ESR1: variants seen among roughly 807,000 people sequenced by gnomAD.
ESR1 encodes estrogen receptor.
A neutral mutation model predicts 52.7 loss-of-function variants in ESR1; 12 were observed. The ratio of observed to expected loss-of-function variants is 0.23; its 90% confidence interval spans 0.15 to 0.37. ESR1 has a LOEUF of 0.37. Ranked by LOEUF, ESR1 falls within the 10% of genes least tolerant of loss-of-function variation. The pLI is 1.00. For synonymous variants in ESR1, 305 were observed against 316.8 expected, an observed-to-expected ratio of 0.96 and a Z score of 0.39; for missense variants, 584 against 779.7, an observed-to-expected ratio of 0.75 and a Z score of 2.99.
At chr6:152,050,760 A>G in intron 5 of ESR1, among the ~76,000 whole-genome samples, 1 of 152,328 alleles carries the variant, frequency 6.6e-6, no homozygotes, top group East Asian at 1.9e-4. Flanking sequence ...ATTTGTTCAG[A>G]ATCGTCTGCA....
At chr6:151,844,730 T>A (rs1299714015) in intron 2 of ESR1, among the ~76,000 whole-genome samples, 2 of 152,252 alleles carry the variant, frequency 1.3e-5, no homozygotes, top group East Asian at 3.8e-4. Context: ...AATAGGGGAT[T>A]TTTAAATCTA....
upstream of ESR1, among the ~76,000 whole-genome samples, chr6:151,688,606 A>C (rs1384713854): frequency 6.6e-6 from 1 of 152,146 alleles, no homozygotes; most frequent in African/African-American, 2.4e-5. Context: ...ATATCTAGGA[A>C]AATAGCTGCA....
intron 1 of ESR1, among the ~76,000 whole-genome samples, chr6:151,835,824 C>T (rs1783239244): frequency 6.6e-6 from 1 of 151,792 alleles, no homozygotes; most frequent in East Asian, 1.9e-4. Flanking sequence ...ACTTGAGTTT[C>T]CCGGTTTATC....
Position 151,991,025 on chromosome 6 carries a change from C to T in ESR1, c.1097-20631C>T, listed in dbSNP as rs539657579. ...ACCAGGAGAAAGTCTAGGAACCATA[C>T]CTTCTAAATCCAGGTCTACACTTCT... On this transcript the variant is annotated intron_variant, in intron 4 of 7. Coordinates refer to ENST00000206249, the MANE Select transcript of ESR1 (RefSeq NM_000125.4). Among the ~76,000 whole-genome samples, 10 of 152,258 alleles carry T rather than the reference C, an allele frequency of 6.6e-5. No homozygotes were observed. In the South Asian group the frequency reaches 1.5e-3, roughly 22 times the overall value.
intron 5 of ESR1, among the ~76,000 whole-genome samples, chr6:152,036,470 C>T (rs1467171348): frequency 1.3e-5 from 2 of 152,166 alleles, no homozygotes; most frequent in African/African-American, 4.8e-5. Context: ...TATTATCAAA[C>T]TTCTTTTGTA....
At chr6:152,046,888 A>G (rs901353622) in intron 5 of ESR1, among the ~76,000 whole-genome samples, 3 of 152,208 alleles carry the variant, frequency 2.0e-5, no homozygotes, top group Non-Finnish European at 4.4e-5. Context: ...CTACTTTGTC[A>G]TTGCAAGTTT....
At chr6:152,038,559 A>G (rs1273934242) in intron 5 of ESR1, among the ~76,000 whole-genome samples, 1 of 152,222 alleles carries the variant, frequency 6.6e-6, no homozygotes, top group Non-Finnish European at 1.5e-5. Context: ...ATACAACCAG[A>G]AATGCACCAA....
At chr6:152,129,570 C>G (rs2054765766) in exon 7 of ESR1, 1 of 145,598 alleles carries the variant, frequency 6.9e-6, no homozygotes. Context: ...AAAAAAAAAA[C>G]TCATAAAATT....
At chr6:151,907,462 C>A (rs1309717981) in intron 3 of ESR1, among the ~76,000 whole-genome samples, 1 of 151,894 alleles carries the variant, frequency 6.6e-6, no homozygotes, top group South Asian at 2.1e-4. Context: ...ATTTTAAAGA[C>A]ATATCTTTTT....
At position 152,100,331 on chromosome 6, in the gene ESR1, G is replaced by T; in HGVS notation, c.*1365G>T. ...CACTACTCAGGCTGACTGGGGCCTG[G>T]TCAGATTACGTATGCCCTTGGTGGT... On this transcript the variant is annotated 3_prime_UTR_variant, in exon 8 of 8. Transcript: ENST00000206249. 2 of 378,322 alleles carry T rather than the reference G, an allele frequency of 5.3e-6. No homozygotes were observed. The highest frequency in any genetic ancestry group is 9.4e-6 in the Non-Finnish European group (2 of 213,354). 23.4% of individuals were successfully genotyped at this position (378,322 alleles called of 1,614,324 possible). A position where few individuals can be genotyped will look rare whatever the true frequency, so the allele number is the denominator to read the frequency against.
At chr6:151,744,067 C>A (rs889618258) in intron 2 of ESR1, among the ~76,000 whole-genome samples, 4 of 152,154 alleles carry the variant, frequency 2.6e-5, no homozygotes, top group African/African-American at 9.7e-5. Context: ...ATCTATATTG[C>A]AGCATGTGTC....
intron 6 of ESR1, among the ~76,000 whole-genome samples, chr6:152,113,979 G>T (rs1171323299): frequency 6.6e-6 from 1 of 152,168 alleles, no homozygotes; most frequent in Admixed American, 6.5e-5. Context: ...GCCTCTGTAA[G>T]ATTTGGACAA....
intron 2 of ESR1, among the ~76,000 whole-genome samples, chr6:151,734,847 C>G (rs1308494040): frequency 6.6e-6 from 1 of 151,992 alleles, no homozygotes; most frequent in Non-Finnish European, 1.5e-5. Context: ...GTCTGGAACT[C>G]CTGACCTCAA....
intron 4 of ESR1, among the ~76,000 whole-genome samples, chr6:151,994,972 A>G (rs1013563269): frequency 2.0e-5 from 3 of 152,172 alleles, no homozygotes; most frequent in Non-Finnish European, 4.4e-5. Context: ...TCCCAGATAC[A>G]AAGGGGAAAC....
intron 6 of ESR1, among the ~76,000 whole-genome samples, chr6:152,062,137 G>A (rs1010990564): frequency 2.6e-5 from 4 of 152,122 alleles, no homozygotes; most frequent in African/African-American, 7.2e-5. Flanking sequence ...TAGAGAATCC[G>A]CACTTCCTTC....
At chr6:151,883,297 T>G (rs886637458) in intron 3 of ESR1, among the ~76,000 whole-genome samples, 50 of 150,862 alleles carry the variant, frequency 3.3e-4, no homozygotes, top group African/African-American at 1.1e-3. Flanking sequence ...TTTTTGTGTT[T>G]TTTTTTTTTG....
upstream of ESR1, among the ~76,000 whole-genome samples, chr6:151,686,489 T>A (rs1778682513): frequency 6.6e-6 from 1 of 152,014 alleles, no homozygotes; most frequent in South Asian, 2.1e-4. Context: ...ATCGAGACCA[T>A]CCCGGCTAAC....
In ESR1 at chr6:152,070,277, A is replaced by C. The variant is rs1296459035; in HGVS notation, c.1369+9153A>C. On this transcript the variant is annotated intron_variant, in intron 6 of 7. Coordinates refer to ENST00000206249, the MANE Select transcript of ESR1 (RefSeq NM_000125.4). ...TAATCAAAGAACTAGAGGTGCAATC[A>C]GGCCATATATTTGGAAAGGCCATAG... Among the ~76,000 whole-genome samples the C allele has an allele frequency of 1.5e-5, 2 of 137,444 alleles. 1 individual carries two copies. Among genetic ancestry groups the C allele is most frequent in the African/African-American group, 6.5e-5 (2 of 30,928 alleles). The allele number at this position is 137,444 out of a possible 152,430, so 90.2% of individuals were successfully genotyped here.
chr6:151,926,625 TA>T (rs2032794229), intron 3 of ESR1, among the ~76,000 whole-genome samples: 1 of 152,134 alleles, frequency 6.6e-6, no homozygotes, highest in South Asian at 2.1e-4. Flanking sequence ...TGGTATTTTC[TA>T]AACTTTGAAT....
Sources: gnomAD v4.1 joint callset for allele counts (sites outside exome capture counted in the v4.1 genomes callset) on GRCh38, gnomAD v4.1.1 for gene constraint, MANE v1.5 for transcripts, NCBI Gene and HGNC (gene_info 2026-07-23, HGNC 2026-07-21) for gene names.